NCOA3: variants seen among roughly 807,000 people sequenced by gnomAD.
The protein encoded by NCOA3 is CBP-interacting protein.
NCOA3 carries 51 observed loss-of-function variants against 158.8 expected under a neutral mutation model. That is an observed-to-expected ratio of 0.32 (90% confidence interval 0.26 to 0.41). NCOA3 has a LOEUF of 0.41. Among genes scored for constraint, NCOA3 ranks in the 10% least tolerant of loss-of-function variants. The pLI is 1.00. For synonymous variants in NCOA3, 537 were observed against 592.4 expected (o/e 0.91, Z 1.36); for missense variants, 1,510 against 1,746.6 (o/e 0.86, Z 2.41).
chr20:47,526,947 C>A (rs1465488592), intron 1 of NCOA3, among the ~76,000 whole-genome samples: 1 of 152,058 alleles, frequency 6.6e-6, no homozygotes, highest in East Asian at 1.9e-4. Flanking sequence ...CCAGCCAGTT[C>A]CATATTTTTT....
chr20:47,568,279 A>C (rs552975370), intron 1 of NCOA3, among the ~76,000 whole-genome samples: 1 of 152,300 alleles, frequency 6.6e-6, no homozygotes, highest in African/African-American at 2.4e-5. Context: ...GAAGCTAGGC[A>C]GCTACTGTAA....
At chr20:47,517,451 C>CTTTTTCTT (rs2084252827) in intron 1 of NCOA3, among the ~76,000 whole-genome samples, 1 of 129,280 alleles carries the variant, frequency 7.7e-6, no homozygotes, top group African/African-American at 3.2e-5. Flanking sequence ...TTTTCTTTTT[C>CTTTTTCTT]TTTTTTTTTT....
chr20:47,606,480 GA>G (rs767927199), intron 2 of NCOA3, among the ~76,000 whole-genome samples: 69 of 146,436 alleles, frequency 4.7e-4, no homozygotes, highest in South Asian at 2.2e-3. Flanking sequence ...AGCTCATAAA[GA>G]AAAAAAAAAA....
At chr20:47,616,889 A>T (rs961833915) in intron 2 of NCOA3, among the ~76,000 whole-genome samples, 2 of 152,218 alleles carry the variant, frequency 1.3e-5, no homozygotes, top group Non-Finnish European at 2.9e-5. Flanking sequence ...TTTTCTATTC[A>T]ACTATAAGTG....
At chr20:47,554,067 C>T (rs1007478381) in intron 1 of NCOA3, among the ~76,000 whole-genome samples, 23 of 152,240 alleles carry the variant, frequency 1.5e-4, no homozygotes, top group African/African-American at 4.3e-4. Context: ...CCTGTTGTTT[C>T]GTGACTTTTT....
At chr20:47,567,323 G>C (rs1005430499) in intron 1 of NCOA3, among the ~76,000 whole-genome samples, 7 of 152,234 alleles carry the variant, frequency 4.6e-5, no homozygotes, top group African/African-American at 1.7e-4. Flanking sequence ...TAGGATTACA[G>C]GTGTGAGCCA....
chr20:47,542,009 G>GTTTTTTTGTTTTT (rs71183262), intron 1 of NCOA3, among the ~76,000 whole-genome samples: 13 of 56,318 alleles, frequency 2.3e-4, no homozygotes, highest in South Asian at 6.0e-4. Flanking sequence ...GCCCTGTAGA[G>GTTTTTTTGTTTTT]TTTTTTTTTT....
intron 1 of NCOA3, among the ~76,000 whole-genome samples, chr20:47,557,344 G>C (rs925366022): frequency 2.0e-5 from 3 of 152,152 alleles, no homozygotes; most frequent in Admixed American, 2.0e-4. Context: ...ATTGTGTCAG[G>C]TGCTTAACTT....
At chr20:47,552,524 T>A (rs539397467) in intron 1 of NCOA3, among the ~76,000 whole-genome samples, 8 of 152,330 alleles carry the variant, frequency 5.3e-5, no homozygotes, top group Non-Finnish European at 1.0e-4. Flanking sequence ...AAGAACAGGA[T>A]GATCATTATA....
chr20:47,611,936 C>A (rs973092906), intron 2 of NCOA3, among the ~76,000 whole-genome samples: 1 of 152,138 alleles, frequency 6.6e-6, no homozygotes, highest in Non-Finnish European at 1.5e-5. Context: ...GTGATACCCC[C>A]ACCTCAGCCT....
rs1340282435 is a variant in NCOA3, at chr20:47,640,023, G to A, written c.3052G>A (p.Glu1018Lys). ...CTGGCCCGATGGCATGTTGTCCATG[G>A]AACAAGTTTCTCATGGCACTCAAAA... The part of the protein sequence containing the change: ...GSWPDGMLSM[E>K]QVSHGTQNRP... Residue 1018 changes from glutamate to lysine, a missense_variant, in exon 16 of 23, where the codon GAA becomes AAA. This residue lies in a region of NCOA3 where 1,017 missense variants were observed against 1,098.3 expected (regional missense o/e 0.93). Transcript: ENST00000371998. The A allele has an allele frequency of 1.9e-6, 3 of 1,614,072 alleles. No individual in the cohort carries two copies. In the East Asian group the frequency reaches 6.7e-5, roughly 36 times the overall value.
At chr20:47,525,900 C>G (rs1227001936) in intron 1 of NCOA3, among the ~76,000 whole-genome samples, 593 of 142,678 alleles carry the variant, frequency 4.2e-3, no homozygotes, top group African/African-American at 0.015. Context: ...CTGACCCCCC[C>G]ACCTCCCTCC....
At chr20:47,529,529 C>A (rs1282179731) in intron 1 of NCOA3, among the ~76,000 whole-genome samples, 1 of 152,214 alleles carries the variant, frequency 6.6e-6, no homozygotes, top group South Asian at 2.1e-4. Flanking sequence ...TCTTGCGCCT[C>A]AGCCTCCCGA....
chr20:47,531,325 G>A (rs1314351070), intron 1 of NCOA3, among the ~76,000 whole-genome samples: 2 of 146,216 alleles, frequency 1.4e-5, no homozygotes, highest in East Asian at 2.1e-4. Context: ...CCTGGGCGAC[G>A]GAGCGAGACT....
intron 2 of NCOA3, among the ~76,000 whole-genome samples, chr20:47,596,581 A>G (rs1602458858): frequency 6.6e-6 from 1 of 151,970 alleles, no homozygotes; most frequent in African/African-American, 2.4e-5. Flanking sequence ...GAAAAAGTAA[A>G]TTTTCTTTCT....
At chr20:47,629,507 T>C (rs1476289096) in intron 8 of NCOA3, among the ~76,000 whole-genome samples, 1 of 152,090 alleles carries the variant, frequency 6.6e-6, no homozygotes, top group African/African-American at 2.4e-5. Flanking sequence ...TTTTTTACAT[T>C]TTTAGTAGAG....
chr20:47,535,396 G>A (rs985524681), intron 1 of NCOA3, among the ~76,000 whole-genome samples: 2 of 152,196 alleles, frequency 1.3e-5, no homozygotes, highest in African/African-American at 4.8e-5. Context: ...AATCAGCTGA[G>A]TTACACTCTC....
chr20:47,615,195 A>T (rs2086112444), intron 2 of NCOA3, among the ~76,000 whole-genome samples: 1 of 152,330 alleles, frequency 6.6e-6, no homozygotes, highest in South Asian at 2.1e-4. Flanking sequence ...TACAGTATAT[A>T]TGAGATGTCT....
At chr20:47,616,105 C>A (rs977977776) in intron 2 of NCOA3, among the ~76,000 whole-genome samples, 3 of 147,232 alleles carry the variant, frequency 2.0e-5, no homozygotes, top group African/African-American at 7.4e-5. Context: ...TTGCAGTGAG[C>A]CGAGATTGCA....
Sources: allele counts gnomAD v4.1 joint callset (sites outside exome capture counted in the v4.1 genomes callset), GRCh38; gene constraint gnomAD v4.1.1; regional missense constraint gnomAD v4.1.1; transcripts MANE v1.5; gene names NCBI Gene and HGNC (gene_info 2026-07-23, HGNC 2026-07-21).